The following NEK11 variants were observed in gnomAD, a reference collection of about 807,000 sequenced individuals.
NEK11 encodes the protein NIMA related kinase 11, also known as serine/threonine-protein kinase Nek11.
Under a neutral mutation model 80.7 loss-of-function variants are expected in NEK11, and 72 were observed. The ratio of observed to expected loss-of-function variants is 0.89; its 90% CI spans 0.74 to 1.08. NEK11 has a LOEUF of 1.08. Among genes scored for constraint, NEK11 ranks in the 50% least tolerant of loss-of-function variants. NEK11 has a pLI of 0.00. For synonymous variants in NEK11, 251 were observed against 260.7 expected (o/e 0.96, Z 0.36); for missense variants, 764 against 763.6 (o/e 1.00, Z -0.01).
intron 14 of NEK11, among the ~76,000 whole-genome samples, chr3:131,228,272 T>G (rs777374212): frequency 4.6e-5 from 7 of 152,186 alleles, no homozygotes; most frequent in Non-Finnish European, 1.0e-4. Context: ...TTATTTATTC[T>G]TATTTAATGA....
intron 10 of NEK11, among the ~76,000 whole-genome samples, chr3:131,159,791 A>G (rs2091292140): frequency 6.6e-6 from 1 of 152,056 alleles, no homozygotes; most frequent in African/African-American, 2.4e-5. Flanking sequence ...AATCTCAAGT[A>G]TTAGTATCAG....
intron 3 of NEK11, among the ~76,000 whole-genome samples, chr3:131,061,739 A>G (rs2148817512): frequency 6.6e-6 from 1 of 152,302 alleles, no homozygotes; most frequent in Admixed American, 6.5e-5. Context: ...CCCAAAAGGA[A>G]TTTATTATAA....
At chr3:131,027,590 G>A (rs968603543) in intron 1 of NEK11, 1 of 152,350 alleles carries the variant, frequency 6.6e-6, no homozygotes, top group Non-Finnish European at 1.5e-5. Flanking sequence ...CAGAAATAAA[G>A]AAGATGTGTT....
intron 17 of NEK11, among the ~76,000 whole-genome samples, chr3:131,291,403 C>T (rs1410137026): frequency 6.6e-6 from 1 of 152,130 alleles, no homozygotes. Context: ...ATGTTCAATT[C>T]TCTCTGTGGA....
chr3:131,150,379 T>G (rs538658066), intron 7 of NEK11, among the ~76,000 whole-genome samples: 1 of 151,740 alleles, frequency 6.6e-6, no homozygotes, highest in South Asian at 2.1e-4. Flanking sequence ...TTATTGATTT[T>G]TTTAATTCTG....
chr3:131,053,410 A>G (rs1461154120), intron 3 of NEK11: 1 of 152,282 alleles, frequency 6.6e-6, no homozygotes, highest in East Asian at 1.9e-4. Flanking sequence ...ATTGGCTGAG[A>G]AATAAATCTG....
chr3:131,064,686 T>C (rs184958676), intron 3 of NEK11, among the ~76,000 whole-genome samples: 21 of 152,284 alleles, frequency 1.4e-4, no homozygotes, highest in African/African-American at 4.6e-4. Context: ...TACTGAATTG[T>C]ACACTTGAAA....
At chr3:131,062,587 C>G (rs533487755) in intron 3 of NEK11, among the ~76,000 whole-genome samples, 1 of 152,332 alleles carries the variant, frequency 6.6e-6, no homozygotes, top group South Asian at 2.1e-4. Context: ...TAATCTTCCT[C>G]CACCCCAAAC....
At chr3:131,050,079 G>A (rs1376840392) in intron 3 of NEK11, among the ~76,000 whole-genome samples, 1 of 152,138 alleles carries the variant, frequency 6.6e-6, no homozygotes, top group East Asian at 1.9e-4. Context: ...TGTCCCCTCA[G>A]CAGCTGCCTC....
chr3:131,172,025 G>A (rs2092724683), intron 14 of NEK11, among the ~76,000 whole-genome samples: 1 of 152,214 alleles, frequency 6.6e-6, no homozygotes. Context: ...ACTGATTAAA[G>A]TCTTATTCCA....
chr3:131,217,566 T>TGTAC (rs2094884288), intron 14 of NEK11, among the ~76,000 whole-genome samples: 1 of 152,010 alleles, frequency 6.6e-6, no homozygotes, highest in Non-Finnish European at 1.5e-5. Flanking sequence ...CATCATAGAG[T>TGTAC]GTACTCCCAC....
rs573379739 is a variant in NEK11 at position 131,039,145 on chromosome 3, C to A, written c.170+9267C>A. 9.9e-5 allele frequency among the ~76,000 whole-genome samples: 15 copies of A among 151,992 alleles called. No individual in the cohort carries two copies. The South Asian group carries it at 2.9e-3, about 30-fold the overall frequency. On this transcript the variant is annotated intron_variant, in intron 3 of 17. Transcript: ENST00000383366. ...AGGATGAGTGCAAAAAATGCAAGAG[C>A]AAAATTTGATGGGTGTAGTCTACCT... is the stretch of plus-strand genomic sequence containing the variant.
At chr3:131,070,788 A>T (rs2073138947) in intron 3 of NEK11, among the ~76,000 whole-genome samples, 1 of 152,224 alleles carries the variant, frequency 6.6e-6, no homozygotes. Context: ...ATCTGGAGAC[A>T]AAAGTCTATT....
rs570670766 is a variant in NEK11 at position 131,197,942 on chromosome 3, C to A, written c.1399+27055C>A. 7.2e-5 allele frequency among the ~76,000 whole-genome samples: 11 copies of A among 152,204 alleles called. No individual in the cohort carries two copies. The East Asian group carries it at 2.1e-3, about 29-fold the overall frequency. On this transcript the variant is annotated intron_variant, in intron 14 of 17. Coordinates refer to ENST00000383366, the MANE Select transcript of NEK11 (RefSeq NM_024800.5). ...TGATGATGGCAGTGTAAGACTGCCA[C>A]CTCTTCAGGTTTCTGTACAGCCAAT...
intron 17 of NEK11, among the ~76,000 whole-genome samples, chr3:131,318,430 A>T (rs1334728778): frequency 6.6e-6 from 1 of 152,216 alleles, no homozygotes; most frequent in Non-Finnish European, 1.5e-5. Flanking sequence ...CAAATTTCAG[A>T]ATTTATGCTA....
intron 17 of NEK11, among the ~76,000 whole-genome samples, chr3:131,274,693 C>CCGGACTG (rs1320269942): frequency 1.6e-5 from 2 of 125,838 alleles, no homozygotes; most frequent in Non-Finnish European, 3.2e-5. Context: ...GTCGCCCAGG[C>CCGGACTG]CGGACTGCGG....
intron 3 of NEK11, among the ~76,000 whole-genome samples, chr3:131,056,336 G>T (rs2069488955): frequency 6.6e-6 from 1 of 152,190 alleles, no homozygotes; most frequent in African/African-American, 2.4e-5. Context: ...GGTGTTTTCA[G>T]AGAGACTGTG....
chr3:131,333,563 C>T (rs965575908), intron 17 of NEK11, among the ~76,000 whole-genome samples: 69 of 152,184 alleles, frequency 4.5e-4, no homozygotes, highest in Middle Eastern at 3.4e-3. Flanking sequence ...CATCAACTAA[C>T]GAGCAAAATC....
intron 16 of NEK11, among the ~76,000 whole-genome samples, chr3:131,273,012 T>C (rs978093358): frequency 2.6e-5 from 4 of 152,178 alleles, no homozygotes; most frequent in Non-Finnish European, 4.4e-5. Context: ...CTGGTCAGCA[T>C]TTTGCTTTCC....
Sources: allele counts gnomAD v4.1 joint callset (sites outside exome capture counted in the v4.1 genomes callset), GRCh38; gene constraint gnomAD v4.1.1; transcripts MANE v1.5; gene names NCBI Gene and HGNC (gene_info 2026-07-23, HGNC 2026-07-21).